The following PDE4B variants were observed in gnomAD, a reference collection of about 807,000 sequenced individuals.
The protein encoded by PDE4B is phosphodiesterase 4B, also known as 3',5'-cyclic-AMP phosphodiesterase 4B.
PDE4B carries 20 observed loss-of-function variants against 82.2 expected under a neutral mutation model. That is an observed-to-expected ratio of 0.24 (90% CI 0.17 to 0.35). PDE4B has a LOEUF of 0.35. Among genes scored for constraint, PDE4B ranks in the 10% least tolerant of loss-of-function variants. PDE4B has a pLI of 1.00. For synonymous variants in PDE4B, 320 were observed against 318.9 expected (o/e 1.00, Z -0.04); for missense variants, 655 against 907.2 (o/e 0.72, Z 3.57).
At chr1:66,126,539 A>G (rs1280779678) in intron 3 of PDE4B, among the ~76,000 whole-genome samples, 1 of 152,234 alleles carries the variant, frequency 6.6e-6, no homozygotes, top group Non-Finnish European at 1.5e-5. Context: ...AACAAAAAGT[A>G]AAATGATAAT....
intron 13 of PDE4B, among the ~76,000 whole-genome samples, chr1:66,366,139 T>C (rs1448838636): frequency 2.6e-5 from 4 of 152,172 alleles, no homozygotes; most frequent in Non-Finnish European, 5.9e-5. Context: ...AACTCACTAC[T>C]GTCCCTATCT....
chr1:66,085,916 T>C (rs1422059284), intron 3 of PDE4B, among the ~76,000 whole-genome samples: 3 of 152,094 alleles, frequency 2.0e-5, no homozygotes, highest in African/African-American at 7.2e-5. Context: ...GCTTGTTGTG[T>C]TATTGTTTCA....
chr1:66,008,436 T>G (rs1406613875), intron 3 of PDE4B, among the ~76,000 whole-genome samples: 1 of 152,172 alleles, frequency 6.6e-6, no homozygotes, highest in Non-Finnish European at 1.5e-5. Flanking sequence ...CCCCTTACTG[T>G]GCACTGCATT....
intron 3 of PDE4B, among the ~76,000 whole-genome samples, chr1:66,074,943 C>T (rs985702305): frequency 6.6e-6 from 1 of 152,014 alleles, no homozygotes; most frequent in African/African-American, 2.4e-5. Flanking sequence ...TGATGTAGAG[C>T]AGGTGAGCCC....
At chr1:66,118,169 T>C (rs1054408933) in intron 3 of PDE4B, among the ~76,000 whole-genome samples, 1 of 152,202 alleles carries the variant, frequency 6.6e-6, no homozygotes, top group African/African-American at 2.4e-5. Flanking sequence ...TTTGTTTTTT[T>C]CTTGTAATCT....
At chr1:66,034,616 A>G (rs1653969327) in intron 3 of PDE4B, among the ~76,000 whole-genome samples, 1 of 152,206 alleles carries the variant, frequency 6.6e-6, no homozygotes, top group Non-Finnish European at 1.5e-5. Context: ...AAAATTCTGC[A>G]CAAACTTCAG....
chr1:66,000,592 C>T (rs1008063044), intron 3 of PDE4B, among the ~76,000 whole-genome samples: 1 of 152,148 alleles, frequency 6.6e-6, no homozygotes, highest in Non-Finnish European at 1.5e-5. Context: ...TGTTTGAATA[C>T]CACTGTGTAC....
chr1:66,015,183 T>A (rs1652699732), intron 3 of PDE4B, among the ~76,000 whole-genome samples: 1 of 152,154 alleles, frequency 6.6e-6, no homozygotes. Flanking sequence ...TTTTCTCTTT[T>A]CTGTAAGAAA....
chr1:65,992,735 A>G (rs1403096920), intron 3 of PDE4B: 10 of 1,352,732 alleles, frequency 7.4e-6, no homozygotes, highest in Middle Eastern at 2.7e-4. Context: ...CTGACTTGCT[A>G]TTCTTCGAGT....
intron 3 of PDE4B, among the ~76,000 whole-genome samples, chr1:66,087,573 C>T (rs1030653866): frequency 4.2e-4 from 64 of 152,050 alleles, no homozygotes; most frequent in Non-Finnish European, 2.5e-4. Context: ...CTTGACCATG[C>T]CTATGTCCTG....
intron 3 of PDE4B, among the ~76,000 whole-genome samples, chr1:66,232,030 G>A (rs1000274298): frequency 6.6e-6 from 1 of 152,216 alleles, no homozygotes; most frequent in Non-Finnish European, 1.5e-5. Context: ...GGCAAGCTAA[G>A]ACCTGCTCAT....
intron 3 of PDE4B, among the ~76,000 whole-genome samples, chr1:66,094,846 G>T (rs916908623): frequency 6.6e-6 from 1 of 151,876 alleles, no homozygotes; most frequent in Non-Finnish European, 1.5e-5. Flanking sequence ...TAAATATTAT[G>T]CCTCTGTTTT....
At chr1:66,212,792 C>T (rs921327872) in intron 3 of PDE4B, among the ~76,000 whole-genome samples, 4 of 152,162 alleles carry the variant, frequency 2.6e-5, no homozygotes, top group Non-Finnish European at 4.4e-5. Context: ...ATACAACCCC[C>T]GACATGGCAT....
intron 7 of PDE4B, among the ~76,000 whole-genome samples, chr1:66,284,906 T>C (rs1656561216): frequency 6.6e-6 from 1 of 152,150 alleles, no homozygotes; most frequent in African/African-American, 2.4e-5. Context: ...AAAGCAGTGC[T>C]TCTTGGGATG....
chr1:65,999,526 T>C (rs1651746684), intron 3 of PDE4B, among the ~76,000 whole-genome samples: 1 of 152,170 alleles, frequency 6.6e-6, no homozygotes, highest in South Asian at 2.1e-4. Context: ...CTTATGTCCA[T>C]TCAGGATTCT....
At chr1:65,980,187 T>G (rs933707431) in intron 3 of PDE4B, among the ~76,000 whole-genome samples, 20 of 152,170 alleles carry the variant, frequency 1.3e-4, no homozygotes, top group Non-Finnish European at 2.8e-4. Context: ...AAACACGACA[T>G]TATGCACAAA....
chr1:65,993,257 G>A (rs939793342), intron 3 of PDE4B: 9 of 732,018 alleles, frequency 1.2e-5, no homozygotes, highest in Non-Finnish European at 1.8e-5. Context: ...CATACTGCAA[G>A]TGTGAAATGA....
At chr1:66,265,986 A>C in intron 6 of PDE4B, 52 bp from the exon 7 acceptor site, 1 of 1,374,338 alleles carries the variant, frequency 7.3e-7, no homozygotes, top group Non-Finnish European at 1.0e-6. Context: ...TCGGGGGTGG[A>C]ATGGGCAGTT....
Position 66,070,743 on chromosome 1 carries a change from G to C in PDE4B, c.281+151908G>C, listed in dbSNP as rs74657313. ...GGACAATCAGAGACATGCACTTGAA[G>C]TGATTCCTTCTTATTTATTTTAGTT... On this transcript the variant is annotated intron_variant, in intron 3 of 16. Transcript: ENST00000341517. Among the ~76,000 whole-genome samples, 7 of 152,140 alleles carry C rather than the reference G, an allele frequency of 4.6e-5. No homozygotes were observed. In the East Asian group the frequency reaches 1.4e-3, roughly 29 times the overall value.
Sources: allele counts gnomAD v4.1 joint callset (sites outside exome capture counted in the v4.1 genomes callset), GRCh38; gene constraint gnomAD v4.1.1; transcripts MANE v1.5; gene names NCBI Gene and HGNC (gene_info 2026-07-23, HGNC 2026-07-21).